Variants in PCDHGA4 observed in about 807,000 individuals in gnomAD.
PCDHGA4 encodes protocadherin gamma subfamily A, 4.
Under a neutral mutation model 54.6 loss-of-function variants are expected in PCDHGA4, and 38 were observed. That is an observed-to-expected ratio of 0.70 (90% confidence interval 0.54 to 0.91). The LOEUF (loss-of-function observed/expected upper bound fraction) is 0.91, where lower values mean the gene tolerates loss of function less well. Among genes scored for constraint, PCDHGA4 ranks in the 40% least tolerant of loss-of-function variants. The probability of loss-of-function intolerance (pLI) is 0.00; values close to 1 mark genes in which losing one functional copy is unlikely to be tolerated. For missense variants in PCDHGA4, 1,298 were observed against 1,220.9 expected (o/e 1.06, Z -0.94); for synonymous variants, 511 against 512.9 (o/e 1.00, Z 0.05).
chr5:141,360,903 G>T (rs752031820), intron 1 of PCDHGA4: 1 of 1,613,916 alleles, frequency 6.2e-7, no homozygotes, highest in East Asian at 2.2e-5. Context: ...AGGACGTGCC[G>T]CCGGGCTTCT....
In PCDHGA4 at chr5:141,394,617, G is replaced by A. The variant is rs369651266; in HGVS notation, c.2514+36996G>A. The A allele has an allele frequency of 1.7e-5, 28 of 1,613,372 alleles. No individual in the cohort carries two copies. The Admixed American group carries it at 2.8e-4, about 16-fold the overall frequency. On this transcript the variant is annotated intron_variant, in intron 1 of 3. Coordinates refer to ENST00000571252, the MANE Select transcript of PCDHGA4 (RefSeq NM_018917.4). ...GGTGGACAGAGACTCGGGCCAGAAC[G>A]CCTGGCTGTCCTACCGCCTGCTCAA... is the stretch of plus-strand genomic sequence containing the variant.
At chr5:141,415,095 C>T (rs1045755927) in intron 1 of PCDHGA4, 1 of 1,613,584 alleles carries the variant, frequency 6.2e-7, no homozygotes, top group Non-Finnish European at 8.5e-7. Context: ...TGGACAGAGA[C>T]GCGCTCAAGC....
chr5:141,433,283 T>A, intron 1 of PCDHGA4: 1 of 1,183,074 alleles, frequency 8.5e-7, no homozygotes, highest in Non-Finnish European at 1.2e-6. Flanking sequence ...AGCCTCAAAC[T>A]CCTAGGCTCA....
chr5:141,399,859 G>A (rs2093908235), intron 1 of PCDHGA4: 1 of 1,612,726 alleles, frequency 6.2e-7, no homozygotes, highest in Admixed American at 1.7e-5. Flanking sequence ...GCCGCGCGCT[G>A]CAGAGCCCGG....
intron 1 of PCDHGA4, chr5:141,390,147 G>C: frequency 6.2e-7 from 1 of 1,614,034 alleles, no homozygotes; most frequent in Non-Finnish European, 8.5e-7. Flanking sequence ...TCTATGTGTT[G>C]CACATACAGG....
At chr5:141,393,718 C>A in intron 1 of PCDHGA4, 2 of 1,613,644 alleles carry the variant, frequency 1.2e-6, no homozygotes, top group Non-Finnish European at 1.7e-6. Flanking sequence ...GGGGAAATAT[C>A]AATAGCAAAA....
In PCDHGA4 at chr5:141,476,606, G is replaced by A; in HGVS notation, c.2515-18201G>A. 1 of 1,614,244 alleles carries A rather than the reference G, an allele frequency of 6.2e-7. No homozygotes were observed. Among genetic ancestry groups the A allele is most frequent in the Non-Finnish European group, 8.5e-7 (1 of 1,180,046 alleles). Reference sequence around the variant, plus strand: ...GCTCGAGAGCGCGCACGATCCCGATGTGGGAAGCAACTCTTTACAAACCTA... The same window carrying A: ...GCTCGAGAGCGCGCACGATCCCGATATGGGAAGCAACTCTTTACAAACCTA... On this transcript the variant is annotated intron_variant, in intron 1 of 3. Transcript: ENST00000571252. The surrounding 1 kb of genome is among the most constrained non-coding windows in gnomAD (Gnocchi z 7.6).
Position 141,356,529 on chromosome 5 carries a change from G to A in PCDHGA4, c.1422G>A (p.Met474Ile), listed in dbSNP as rs1760245496. ...AAACTCATATTTCACTGCAAGTGAT[G>A]GACATCAATGACAACCCACCCACTT... is the stretch of plus-strand genomic sequence containing the variant. ...STETHISLQV[M>I]DINDNPPTFP... Residue 474 changes from methionine to isoleucine, a missense_variant, in exon 1 of 4, where the codon ATG (methionine) becomes ATA (isoleucine). Coordinates refer to ENST00000571252, the MANE Select transcript of PCDHGA4 (RefSeq NM_018917.4). The A allele has an allele frequency of 6.2e-7, 1 of 1,613,670 alleles. No individual in the cohort carries two copies. Among genetic ancestry groups the A allele is most frequent in the Admixed American group, 1.7e-5 (1 of 60,014 alleles).
rs374140638 is a variant in PCDHGA4 at position 141,487,759 on chromosome 5, C to T, written c.2515-7048C>T. ...TTGTAAGAGGTAACTATGTGGTAGA[C>T]GCTGTGCTTTGTAACTGTTTCGTGA... On this transcript the variant is annotated intron_variant, in intron 1 of 3. Transcript: ENST00000571252. The surrounding 1 kb of genome is among the most constrained non-coding windows in gnomAD (Gnocchi z 5.0). 45 of 1,546,278 alleles carry T rather than the reference C, an allele frequency of 2.9e-5. No individual in the cohort carries two copies. The highest frequency in any genetic ancestry group is 1.1e-4 in the African/African-American group (8 of 73,160).
chr5:141,478,977 T>G (rs1004184325), intron 1 of PCDHGA4, among the ~76,000 whole-genome samples: 12 of 152,210 alleles, frequency 7.9e-5, no homozygotes, highest in Admixed American at 5.2e-4. Flanking sequence ...TTCAAGTGAT[T>G]GTGACATTTG....
intron 1 of PCDHGA4, chr5:141,379,639 A>G (rs1775719450): frequency 6.6e-6 from 1 of 152,198 alleles, no homozygotes; most frequent in African/African-American, 2.4e-5. Context: ...CTCTGATGGA[A>G]AAACTACCAA....
chr5:141,439,458 C>T (rs2098114160), intron 1 of PCDHGA4, among the ~76,000 whole-genome samples: 1 of 152,214 alleles, frequency 6.6e-6, no homozygotes, highest in East Asian at 1.9e-4. Flanking sequence ...AGCAAGACTG[C>T]ACTGCTGCCT....
rs2099425622 is a variant in PCDHGA4, at chr5:141,477,947, T to C, written c.2515-16860T>C. Reference sequence around the variant, plus strand: ...CAATGCCTGGCTCTCCTACAGTCTCTTGGGATCCCCTAACCAGAGCCTTTT... The same window carrying C: ...CAATGCCTGGCTCTCCTACAGTCTCCTGGGATCCCCTAACCAGAGCCTTTT... On this transcript the variant is annotated intron_variant, in intron 1 of 3. Coordinates refer to ENST00000571252, the MANE Select transcript of PCDHGA4 (RefSeq NM_018917.4). The surrounding 1 kb of genome is among the most constrained non-coding windows in gnomAD (Gnocchi z 4.9). 1.9e-6 allele frequency: 3 copies of C among 1,614,132 alleles called. No homozygotes were observed. Among genetic ancestry groups the C allele is most frequent in the Non-Finnish European group, 2.5e-6 (3 of 1,180,018 alleles).
At position 141,512,116 on chromosome 5, in the gene PCDHGA4, T is replaced by TTA. The variant is rs2099884085; in HGVS notation, c.*943_*944insTA. On this transcript the variant is annotated 3_prime_UTR_variant, in exon 4 of 4. Coordinates refer to ENST00000571252, the MANE Select transcript of PCDHGA4 (RefSeq NM_018917.4). ...ACTAGGCTGGACCCTTCCCACTACA[T>TTA]AATAGGGCTCAGCCCAGGCAGCCAG... 1 of 152,600 alleles carries TTA rather than the reference T, an allele frequency of 6.6e-6. No homozygotes were observed. The highest frequency in any genetic ancestry group is 2.1e-4 in the South Asian group (1 of 4,832). 9.5% of individuals were successfully genotyped at this position (152,600 alleles called of 1,614,324 possible).
chr5:141,394,406 G>A (rs1359061127), intron 1 of PCDHGA4: 1 of 1,614,180 alleles, frequency 6.2e-7, no homozygotes, highest in South Asian at 1.1e-5. Flanking sequence ...TGCAGCTACT[G>A]GTAACAGCCA....
At chr5:141,400,524 G>A (rs958686867) in intron 1 of PCDHGA4, 1 of 1,613,802 alleles carries the variant, frequency 6.2e-7, no homozygotes, top group Non-Finnish European at 8.5e-7. Context: ...ATCCTGAGTT[G>A]GTGAGTTTCA....
chr5:141,469,552 C>G (rs956606902), intron 1 of PCDHGA4, among the ~76,000 whole-genome samples: 1 of 151,910 alleles, frequency 6.6e-6, no homozygotes, highest in African/African-American at 2.4e-5. Context: ...TCCAGCCTGG[C>G]GACAGAGTGA....
At chr5:141,408,702 T>C (rs769871063) in intron 1 of PCDHGA4, 6 of 1,613,208 alleles carry the variant, frequency 3.7e-6, no homozygotes, top group South Asian at 3.3e-5. Flanking sequence ...ATAAACTCAA[T>C]TAAAGATTAT....
chr5:141,363,741 C>T (rs1763049748), intron 1 of PCDHGA4, among the ~76,000 whole-genome samples: 1 of 152,096 alleles, frequency 6.6e-6, no homozygotes, highest in African/African-American at 2.4e-5. Context: ...GGTTTGTTTC[C>T]TTGGTATTCT....
Sources: gnomAD v4.1 joint callset for allele counts (sites outside exome capture counted in the v4.1 genomes callset) on GRCh38, gnomAD v4.1.1 for gene constraint, Gnocchi (gnomAD v3.1) non-coding constraint, MANE v1.5 for transcripts, NCBI Gene and HGNC (gene_info 2026-07-23, HGNC 2026-07-21) for gene names.